The following IL1RAPL1 variants were observed in gnomAD, a reference collection of about 807,000 sequenced individuals.
IL1RAPL1 encodes interleukin-1 receptor accessory protein-like 1.
A neutral mutation model predicts 48.4 loss-of-function variants in IL1RAPL1; 3 were observed. The ratio of observed to expected loss-of-function variants is 0.06; its 90% CI spans 0.03 to 0.16. The LOEUF (loss-of-function observed/expected upper bound fraction) is 0.16. IL1RAPL1 is among the 10% of genes least tolerant of loss of function. The pLI is 1.00. For missense variants in IL1RAPL1, 349 were observed against 530.6 expected (o/e 0.66, Z 3.36); for synonymous variants, 185 against 187.7 (o/e 0.99, Z 0.12).
intron 1 of IL1RAPL1, among the ~76,000 whole-genome samples, chrX:28,615,199 GTTTTTTTTTTTTTT>G (rs778402885): frequency 1.8e-3 from 48 of 26,056 alleles, no homozygotes; most frequent in African/African-American, 5.1e-3. Flanking sequence ...ACTGTTGTCT[GTTTTTTTTTTTTTT>G]TTTTTTTTTT....
At chrX:29,400,162 A>T (rs376978994) in intron 5 of IL1RAPL1, among the ~76,000 whole-genome samples, 2 of 112,092 alleles carry the variant, frequency 1.8e-5, no homozygotes, top group East Asian at 5.6e-4. Flanking sequence ...GAAGGACATG[A>T]GGACAAGATT....
At chrX:28,849,717 ATACTTACAT>A in intron 2 of IL1RAPL1, among the ~76,000 whole-genome samples, 2 of 111,943 alleles carry the variant, frequency 1.8e-5, no homozygotes, top group Non-Finnish European at 3.8e-5. Context: ...CTCTCGTCTT[ATACTTACAT>A]TAGTACATAG....
intron 6 of IL1RAPL1, among the ~76,000 whole-genome samples, chrX:29,891,499 T>C (rs748835475): frequency 5.4e-5 from 6 of 111,527 alleles, no homozygotes; most frequent in Admixed American, 4.8e-4. Flanking sequence ...AGGCACAGGA[T>C]TCTATGAGCC....
intron 2 of IL1RAPL1, among the ~76,000 whole-genome samples, chrX:29,179,182 T>G (rs2147519277): frequency 9.0e-6 from 1 of 111,149 alleles, no homozygotes; most frequent in Non-Finnish European, 1.9e-5. Flanking sequence ...TAAATTACCT[T>G]GGGCAGTATG....
In IL1RAPL1 at chrX:29,545,823, T is replaced by C. The variant is rs148869345; in HGVS notation, c.704-122607T>C. On this transcript the variant is annotated intron_variant, in intron 5 of 10. Transcript: ENST00000378993. ...AACTATTTTTGGTGGACAAAACCAC[T>C]CTTTTCTCTTGGGTAAGAAGTACAT... 7.3e-3 allele frequency among the ~76,000 whole-genome samples: 822 copies of C among 112,108 alleles called. 6 individuals are homozygous for C. The highest frequency in any genetic ancestry group is 0.025 in the African/African-American group (776 of 30,863).
intron 2 of IL1RAPL1, among the ~76,000 whole-genome samples, chrX:29,021,198 C>T (rs1457667156): frequency 1.3e-5 from 1 of 74,459 alleles, no homozygotes; most frequent in African/African-American, 5.7e-5. Context: ...GGCAACAGAG[C>T]AAGACTCCGT....
chrX:28,593,659 T>A (rs1933925812), intron 1 of IL1RAPL1, among the ~76,000 whole-genome samples: 1 of 111,715 alleles, frequency 9.0e-6, no homozygotes, highest in African/African-American at 3.2e-5. Context: ...TGGATTGTAA[T>A]CATATAATTA....
At chrX:29,021,908 G>T (rs189396588) in intron 2 of IL1RAPL1, among the ~76,000 whole-genome samples, 1 of 111,309 alleles carries the variant, frequency 9.0e-6, no homozygotes, top group Non-Finnish European at 1.9e-5. Context: ...TGCCTTCAAC[G>T]CTCACTACAC....
intron 2 of IL1RAPL1, among the ~76,000 whole-genome samples, chrX:29,030,877 C>T (rs777559847): frequency 5.4e-4 from 60 of 112,003 alleles, no homozygotes; most frequent in South Asian, 1.9e-3. Flanking sequence ...TCAGTTCCTT[C>T]TGGGTGATAA....
At chrX:29,741,670 C>G (rs1478674028) in intron 6 of IL1RAPL1, among the ~76,000 whole-genome samples, 2 of 109,376 alleles carry the variant, frequency 1.8e-5, no homozygotes, top group African/African-American at 6.7e-5. Context: ...CCTGTAATCC[C>G]AGCACTTTGG....
intron 6 of IL1RAPL1, among the ~76,000 whole-genome samples, chrX:29,906,878 G>A (rs1932643965): frequency 9.1e-6 from 1 of 109,748 alleles, no homozygotes; most frequent in African/African-American, 3.3e-5. Flanking sequence ...GGGGGGTGGA[G>A]GTAAATTTTT....
chrX:29,142,845 T>C (rs927909642), intron 2 of IL1RAPL1, among the ~76,000 whole-genome samples: 1 of 110,072 alleles, frequency 9.1e-6, no homozygotes, highest in Admixed American at 9.8e-5. Context: ...GGATTACAGA[T>C]GTGTGCCACC....
intron 1 of IL1RAPL1, among the ~76,000 whole-genome samples, chrX:28,736,162 G>A (rs1013159712): frequency 9.0e-6 from 1 of 111,053 alleles, no homozygotes; most frequent in Non-Finnish European, 1.9e-5. Flanking sequence ...GGCTGGGCGT[G>A]GTGGCTCACA....
chrX:29,823,800 A>G (rs1160864548), intron 6 of IL1RAPL1, among the ~76,000 whole-genome samples: 4 of 111,802 alleles, frequency 3.6e-5, no homozygotes, highest in Non-Finnish European at 7.5e-5. Flanking sequence ...GAGATTTAAA[A>G]ATGAAGGAAT....
rs755216269 is a variant in IL1RAPL1, at chrX:29,370,019, CTTAT to C, written c.363-26235_363-26232del. On this transcript the variant is annotated intron_variant, in intron 3 of 10. Coordinates refer to ENST00000378993, the MANE Select transcript of IL1RAPL1 (RefSeq NM_014271.4). ...TGGTGTCTTTCCAACTTTGCAATGG[CTTAT>C]TTAAGTATAAAATTTATTTAAAAAC... 5.2e-3 allele frequency among the ~76,000 whole-genome samples: 581 copies of C among 111,515 alleles called. 4 individuals are homozygous for C. Among genetic ancestry groups the C allele is most frequent in the Admixed American group, 0.022 (230 of 10,463 alleles).
chrX:29,698,118 A>G (rs1156582629), intron 6 of IL1RAPL1, among the ~76,000 whole-genome samples: 5 of 109,565 alleles, frequency 4.6e-5, no homozygotes, highest in African/African-American at 1.3e-4. Flanking sequence ...CCATGCATCA[A>G]ACTTTTCCCA....
intron 1 of IL1RAPL1, among the ~76,000 whole-genome samples, chrX:28,643,382 C>T (rs936234412): frequency 2.7e-5 from 3 of 111,087 alleles, no homozygotes; most frequent in Non-Finnish European, 5.7e-5. Context: ...TTGGAAGCCA[C>T]CATGCATTCT....
intron 2 of IL1RAPL1, among the ~76,000 whole-genome samples, chrX:29,001,701 G>T (rs924195821): frequency 9.0e-6 from 1 of 111,343 alleles, no homozygotes; most frequent in Non-Finnish European, 1.9e-5. Context: ...TTAAAAGAAA[G>T]AAAAAATATT....
At chrX:28,729,875 A>G (rs1935732438) in intron 1 of IL1RAPL1, among the ~76,000 whole-genome samples, 1 of 111,055 alleles carries the variant, frequency 9.0e-6, no homozygotes, top group Non-Finnish European at 1.9e-5. Context: ...GCACGCCTGT[A>G]GTCCCAGCTA....
Sources: allele counts gnomAD v4.1 joint callset (sites outside exome capture counted in the v4.1 genomes callset), GRCh38; gene constraint gnomAD v4.1.1; transcripts MANE v1.5; gene names NCBI Gene and HGNC (gene_info 2026-07-23, HGNC 2026-07-21).